TMEM51: variants seen among roughly 807,000 people sequenced by gnomAD.
TMEM51 encodes transmembrane protein 51.
In TMEM51, 8 loss-of-function variants were observed where a neutral mutation model predicts 13.6. That is an observed-to-expected ratio of 0.59 (90% CI 0.35 to 1.07). TMEM51 has a LOEUF of 1.07. Among genes scored for constraint, TMEM51 ranks in the 50% least tolerant of loss-of-function variants. The pLI is 0.02. For synonymous variants in TMEM51, 147 were observed against 144.4 expected, an observed-to-expected ratio of 1.02 and a Z score of -0.13; for missense variants, 279 against 330.7, an observed-to-expected ratio of 0.84 and a Z score of 1.21.
At chr1:15,186,440 T>A (rs1643776927) in intron 1 of TMEM51, among the ~76,000 whole-genome samples, 1 of 152,104 alleles carries the variant, frequency 6.6e-6, no homozygotes, top group Admixed American at 6.5e-5. Context: ...GACTAATGGA[T>A]GTTTGTGACT....
intron 1 of TMEM51, among the ~76,000 whole-genome samples, chr1:15,193,061 A>C (rs966182380): frequency 9.9e-5 from 15 of 152,282 alleles, no homozygotes; most frequent in Admixed American, 3.9e-4. Context: ...GGGTGCTTAG[A>C]GGCTGTTGGC....
At chr1:15,175,261 G>A (rs548931175) in intron 1 of TMEM51, among the ~76,000 whole-genome samples, 31 of 152,182 alleles carry the variant, frequency 2.0e-4, no homozygotes, top group African/African-American at 6.3e-4. Flanking sequence ...TTAGCTGGAC[G>A]TTGTGGCGAG....
intron 1 of TMEM51, among the ~76,000 whole-genome samples, chr1:15,160,075 C>A (rs1642723772): frequency 6.6e-6 from 1 of 152,172 alleles, no homozygotes. Context: ...AATTAGGTGG[C>A]TCTAAATCTT....
At chr1:15,200,557 C>G (rs1033640993) in intron 1 of TMEM51, among the ~76,000 whole-genome samples, 1 of 152,010 alleles carries the variant, frequency 6.6e-6, no homozygotes, top group Non-Finnish European at 1.5e-5. Context: ...AAGGAACCAA[C>G]CTTGATCTTG....
At chr1:15,200,101 G>A (rs963884236) in intron 1 of TMEM51, among the ~76,000 whole-genome samples, 2 of 152,014 alleles carry the variant, frequency 1.3e-5, no homozygotes, top group Non-Finnish European at 2.9e-5. Flanking sequence ...GATTGCATTT[G>A]GAGATAAGGC....
chr1:15,215,540 A>C (rs888389277), intron 3 of TMEM51, 109 bp downstream of exon 3: 7 of 1,074,654 alleles, frequency 6.5e-6, no homozygotes, highest in Non-Finnish European at 9.1e-6. Flanking sequence ...TACAGGCTTT[A>C]TTGTCCCATG....
At chr1:15,194,507 T>C (rs548660776) in intron 1 of TMEM51, among the ~76,000 whole-genome samples, 1 of 152,308 alleles carries the variant, frequency 6.6e-6, no homozygotes, top group East Asian at 1.9e-4. Flanking sequence ...TCCCTGTTGC[T>C]GTGGAATTGG....
At chr1:15,206,447 A>G (rs1334634899) in intron 1 of TMEM51, among the ~76,000 whole-genome samples, 1 of 152,138 alleles carries the variant, frequency 6.6e-6, no homozygotes, top group African/African-American at 2.4e-5. Flanking sequence ...CCTTGCCCAG[A>G]AAGTGGCCCC....
At position 15,168,409 on chromosome 1, in the gene TMEM51, A is replaced by G. The variant is rs571267694; in HGVS notation, c.-267+14455A>G. ...AAGGACTGTAGAGGCAATCTTTTACAGACAAATGGTAGATAAATGTATAAT... is the reference window on the plus strand; with the variant it reads ...AAGGACTGTAGAGGCAATCTTTTACGGACAAATGGTAGATAAATGTATAAT... On this transcript the variant is annotated intron_variant, in intron 1 of 3. Coordinates refer to ENST00000376008, the MANE Select transcript of TMEM51 (RefSeq NM_001136218.2). 5.7e-5 allele frequency: 70 copies of G among 1,227,770 alleles called. 1 individual carries two copies. In the African/African-American group the frequency reaches 8.6e-4, roughly 15 times the overall value. The allele number at this position is 1,227,770 out of a possible 1,614,324, so 76.1% of individuals were successfully genotyped here. A position where few individuals can be genotyped will look rare whatever the true frequency, so the allele number is the denominator to read the frequency against.
chr1:15,198,669 C>T (rs1422177365), intron 1 of TMEM51, among the ~76,000 whole-genome samples: 1 of 152,164 alleles, frequency 6.6e-6, no homozygotes, highest in African/African-American at 2.4e-5. Flanking sequence ...CTGCCTGCCT[C>T]GGCCTCCCAA....
intron 1 of TMEM51, among the ~76,000 whole-genome samples, chr1:15,170,676 C>T (rs956339803): frequency 1.3e-5 from 2 of 152,166 alleles, no homozygotes; most frequent in South Asian, 4.2e-4. Flanking sequence ...GCTGTGTGAC[C>T]ATCGCCACTG....
intron 1 of TMEM51, among the ~76,000 whole-genome samples, chr1:15,193,845 C>T (rs1643990676): frequency 6.6e-6 from 1 of 152,356 alleles, no homozygotes; most frequent in Non-Finnish European, 1.5e-5. Flanking sequence ...GCGTGAGCCA[C>T]TGCGCCTGGC....
intron 1 of TMEM51, among the ~76,000 whole-genome samples, chr1:15,190,005 C>A (rs114176733): frequency 0.014 from 2,104 of 152,310 alleles, 56 homozygotes; most frequent in African/African-American, 0.048. Flanking sequence ...AACCCCTCAT[C>A]CCCTTCCCTC....
At chr1:15,175,639 T>G (rs1643435135) in intron 1 of TMEM51, among the ~76,000 whole-genome samples, 1 of 152,200 alleles carries the variant, frequency 6.6e-6, no homozygotes, top group Non-Finnish European at 1.5e-5. Flanking sequence ...TGGGGAGGCC[T>G]CACTGTCATG....
chr1:15,210,216 T>C (rs1426636597), intron 1 of TMEM51, among the ~76,000 whole-genome samples: 2 of 152,196 alleles, frequency 1.3e-5, no homozygotes. Context: ...GAGTATTTCC[T>C]CTGATATTCT....
intron 1 of TMEM51, among the ~76,000 whole-genome samples, chr1:15,196,312 C>T (rs1445432512): frequency 6.6e-6 from 1 of 152,126 alleles, no homozygotes; most frequent in Non-Finnish European, 1.5e-5. Context: ...GTCAGTAGCT[C>T]GATAGTGCTG....
At chr1:15,164,977 A>G (rs150864609) in intron 1 of TMEM51, among the ~76,000 whole-genome samples, 7,790 of 151,790 alleles carry the variant, frequency 0.051, 281 homozygotes, top group Middle Eastern at 0.085. Flanking sequence ...TAATTTTTGT[A>G]TTTGTAGTAG....
rs991457115 is a variant in TMEM51, at chr1:15,219,509, G to C, written c.528G>C (p.Arg176Ser). The change falls in exon 4 of 4, where the codon AGG becomes AGC. Residue 176 changes from arginine (R) to serine (S), a missense_variant. Arg to Ser is a moderately radical substitution (Grantham distance 110). Transcript: ENST00000376008. ...ACGAGACCACCCCCACATCCACCAG[G>C]GCTGACGTGGAGGCCAGCCCTGGGA... ...GLDETTPTSTRADVEASPGNP... is the reference protein window; with the variant it reads ...GLDETTPTSTSADVEASPGNP... 2.5e-6 allele frequency: 4 copies of C among 1,613,850 alleles called. No individual in the cohort carries two copies. The highest frequency in any genetic ancestry group is 3.4e-6 in the Non-Finnish European group (4 of 1,180,026).
chr1:15,168,918 C>T, intron 1 of TMEM51: 1 of 1,025,310 alleles, frequency 9.8e-7, no homozygotes, highest in African/African-American at 1.7e-5. Flanking sequence ...ACTAAGCTTT[C>T]CCATCACTCT....
Sources: gnomAD v4.1 joint callset for allele counts (sites outside exome capture counted in the v4.1 genomes callset) on GRCh38, gnomAD v4.1.1 for gene constraint, MANE v1.5 for transcripts, NCBI Gene and HGNC (gene_info 2026-07-23, HGNC 2026-07-21) for gene names.